The following KCNIP4 variants were observed in gnomAD, a reference collection of about 807,000 sequenced individuals.
KCNIP4 encodes the protein Kv channel-interacting protein 4.
KCNIP4 carries 12 observed loss-of-function variants against 34.0 expected under a neutral mutation model. The observed-to-expected ratio is 0.35, with a 90% CI of 0.23 to 0.57. The LOEUF (loss-of-function observed/expected upper bound fraction) is 0.57. Among genes scored for constraint, KCNIP4 ranks in the 20% least tolerant of loss-of-function variants. The pLI is 0.83. For missense variants in KCNIP4, 238 were observed against 311.7 expected (o/e 0.76, Z 1.78); for synonymous variants, 124 against 102.2 (o/e 1.21, Z -1.29).
intron 1 of KCNIP4, among the ~76,000 whole-genome samples, chr4:21,391,618 T>C (rs1311649718): frequency 6.6e-6 from 1 of 152,040 alleles, no homozygotes; most frequent in Admixed American, 6.6e-5. Context: ...CATCCCAGCC[T>C]CACTTGACGC....
intron 1 of KCNIP4, among the ~76,000 whole-genome samples, chr4:21,155,157 T>C (rs1753052909): frequency 6.6e-6 from 1 of 152,184 alleles, no homozygotes; most frequent in African/African-American, 2.4e-5. Context: ...GAGTGCCTCA[T>C]GACAGCAGAG....
At chr4:20,855,765 A>AT (rs1262436431) in intron 2 of KCNIP4, among the ~76,000 whole-genome samples, 5 of 152,208 alleles carry the variant, frequency 3.3e-5, no homozygotes, top group Admixed American at 6.5e-5. Flanking sequence ...TACTTTTTAT[A>AT]TTATAATAAC....
At chr4:21,485,246 C>T (rs933898223) in intron 1 of KCNIP4, among the ~76,000 whole-genome samples, 1 of 152,152 alleles carries the variant, frequency 6.6e-6, no homozygotes, top group Non-Finnish European at 1.5e-5. Context: ...AATTATACCA[C>T]TCTTTTTTAA....
At chr4:21,728,736 C>T (rs1479892427) in intron 1 of KCNIP4, among the ~76,000 whole-genome samples, 1 of 152,118 alleles carries the variant, frequency 6.6e-6, no homozygotes, top group Non-Finnish European at 1.5e-5. Flanking sequence ...CTCAACATGC[C>T]TTCCTCAGGA....
At chr4:20,815,865 A>C (rs1035514931) in intron 3 of KCNIP4, among the ~76,000 whole-genome samples, 1 of 152,164 alleles carries the variant, frequency 6.6e-6, no homozygotes, top group Non-Finnish European at 1.5e-5. Flanking sequence ...TTAAGAGGTC[A>C]AATAACTTTC....
intron 1 of KCNIP4, among the ~76,000 whole-genome samples, chr4:21,534,515 T>C (rs1295494155): frequency 1.3e-5 from 2 of 152,194 alleles, no homozygotes; most frequent in Non-Finnish European, 2.9e-5. Context: ...GCTGTAGTGA[T>C]AGTGCCCATA....
At chr4:21,236,859 AAT>A (rs1346022682) in intron 1 of KCNIP4, among the ~76,000 whole-genome samples, 4 of 151,070 alleles carry the variant, frequency 2.6e-5, no homozygotes, top group African/African-American at 7.4e-5. Flanking sequence ...AAAAAAAAAA[AAT>A]ACCAAAAAAT....
At chr4:20,757,300 C>T (rs148197629) in intron 4 of KCNIP4, among the ~76,000 whole-genome samples, 155 of 152,188 alleles carry the variant, frequency 1.0e-3, no homozygotes, top group African/African-American at 3.4e-3. Context: ...ATTGTTTTGC[C>T]TCCTACAGCA....
intron 1 of KCNIP4, among the ~76,000 whole-genome samples, chr4:21,526,118 C>G (rs1274129313): frequency 2.6e-5 from 4 of 152,052 alleles, no homozygotes; most frequent in Non-Finnish European, 5.9e-5. Flanking sequence ...GAATAAGCAC[C>G]TGATATGTTT....
intron 1 of KCNIP4, among the ~76,000 whole-genome samples, chr4:21,888,069 A>C (rs1726888699): frequency 6.6e-6 from 1 of 152,056 alleles, no homozygotes; most frequent in Non-Finnish European, 1.5e-5. Context: ...CAACTTTATG[A>C]CTTATGTATT....
chr4:21,465,069 G>A (rs1471509789), intron 1 of KCNIP4, among the ~76,000 whole-genome samples: 1 of 152,052 alleles, frequency 6.6e-6, no homozygotes, highest in East Asian at 1.9e-4. Context: ...CTGCCAGGCT[G>A]TCTCTCCTGC....
chr4:21,876,777 A>G (rs1726140053), intron 1 of KCNIP4, among the ~76,000 whole-genome samples: 1 of 152,140 alleles, frequency 6.6e-6, no homozygotes, highest in Non-Finnish European at 1.5e-5. Context: ...GTGAAAGTTC[A>G]AAAAAAGAAA....
At chr4:20,754,626 G>A (rs1237133149) in intron 4 of KCNIP4, among the ~76,000 whole-genome samples, 1 of 152,084 alleles carries the variant, frequency 6.6e-6, no homozygotes, top group East Asian at 1.9e-4. Flanking sequence ...GATGCCTCAT[G>A]TGGTCAGATT....
intron 1 of KCNIP4, among the ~76,000 whole-genome samples, chr4:20,891,335 G>A (rs899510608): frequency 3.3e-5 from 5 of 152,122 alleles, no homozygotes; most frequent in Non-Finnish European, 5.9e-5. Flanking sequence ...GGCTGAGCAA[G>A]GTGGCTCATG....
chr4:21,121,859 G>A (rs1378735113), intron 1 of KCNIP4, among the ~76,000 whole-genome samples: 1 of 152,174 alleles, frequency 6.6e-6, no homozygotes, highest in African/African-American at 2.4e-5. Flanking sequence ...TTGATATTTT[G>A]TTCAATCACT....
intron 1 of KCNIP4, among the ~76,000 whole-genome samples, chr4:21,457,349 C>T (rs1281609139): frequency 6.6e-6 from 1 of 151,924 alleles, no homozygotes; most frequent in Non-Finnish European, 1.5e-5. Flanking sequence ...AGGTTTAATG[C>T]CTTTTAGCGT....
intron 1 of KCNIP4, among the ~76,000 whole-genome samples, chr4:21,092,257 T>A (rs1747061779): frequency 6.6e-6 from 1 of 152,108 alleles, no homozygotes; most frequent in South Asian, 2.1e-4. Context: ...GGTACCATCC[T>A]AAGGTATTGA....
At chr4:20,778,087 C>A (rs947139167) in intron 3 of KCNIP4, among the ~76,000 whole-genome samples, 1 of 152,120 alleles carries the variant, frequency 6.6e-6, no homozygotes, top group African/African-American at 2.4e-5. Context: ...AACTCAAGGC[C>A]TCCACTCCCA....
intron 3 of KCNIP4, among the ~76,000 whole-genome samples, chr4:20,782,356 C>A (rs1341827142): frequency 6.6e-6 from 1 of 152,126 alleles, no homozygotes; most frequent in Non-Finnish European, 1.5e-5. Flanking sequence ...TGTGTAGGGG[C>A]TCCAACCCCA....
Sources: gnomAD v4.1 joint callset for allele counts (sites outside exome capture counted in the v4.1 genomes callset) on GRCh38, gnomAD v4.1.1 for gene constraint, MANE v1.5 for transcripts, NCBI Gene and HGNC (gene_info 2026-07-23, HGNC 2026-07-21) for gene names.